MCTP1: variants seen among roughly 807,000 people sequenced by gnomAD.
MCTP1 encodes multiple C2 and transmembrane domain-containing protein 1.
Under a neutral mutation model 120.6 loss-of-function variants are expected in MCTP1, and 69 were observed. The observed-to-expected ratio is 0.57, with a 90% CI of 0.47 to 0.70. The LOEUF (loss-of-function observed/expected upper bound fraction) is 0.70. Among genes scored for constraint, MCTP1 ranks in the 30% least tolerant of loss-of-function variants. The probability of loss-of-function intolerance (pLI) is 0.00; values close to 1 mark genes in which losing one functional copy is unlikely to be tolerated. For synonymous variants in MCTP1, 529 were observed against 493.1 expected (o/e 1.07, Z -0.96); for missense variants, 1,203 against 1,248.8 (o/e 0.96, Z 0.55).
At chr5:95,206,805 G>C (rs1448484347) in intron 1 of MCTP1, among the ~76,000 whole-genome samples, 2 of 152,014 alleles carry the variant, frequency 1.3e-5, no homozygotes, top group Non-Finnish European at 2.9e-5. Context: ...CAAAGTGCTG[G>C]GATTAAAGGC....
intron 1 of MCTP1, among the ~76,000 whole-genome samples, chr5:95,041,322 A>G (rs1842326764): frequency 6.6e-6 from 1 of 151,104 alleles, no homozygotes. Context: ...AAAAAAAAAA[A>G]AAAAAAAAAG....
At chr5:94,926,933 C>T (rs1023054915) in intron 6 of MCTP1, among the ~76,000 whole-genome samples, 2 of 152,178 alleles carry the variant, frequency 1.3e-5, no homozygotes, top group African/African-American at 4.8e-5. Context: ...TACATTTTGT[C>T]CCTTCACTTT....
chr5:95,156,597 A>G (rs2152467654), intron 1 of MCTP1, among the ~76,000 whole-genome samples: 1 of 152,084 alleles, frequency 6.6e-6, no homozygotes, highest in Middle Eastern at 3.4e-3. Context: ...TGCTTTCTTC[A>G]TAGCCACCCC....
In MCTP1 at chr5:94,720,860, C is replaced by T. The variant is rs571630934; in HGVS notation, c.2611-5974G>A. ...AAGAAATGGAATATAAACAGACACT[C>T]ATTAAGTAGTGTAAAGTACTTTTCT... On this transcript the variant is annotated intron_variant, in intron 19 of 22. Coordinates refer to ENST00000515393, the MANE Select transcript of MCTP1 (RefSeq NM_024717.7). Among the ~76,000 whole-genome samples the T allele has an allele frequency of 9.9e-4, 150 of 152,282 alleles. 1 individual carries two copies. Among genetic ancestry groups the T allele is most frequent in the African/African-American group, 3.2e-3 (133 of 41,560 alleles).
intron 7 of MCTP1, among the ~76,000 whole-genome samples, chr5:94,923,174 G>A (rs1034061474): frequency 1.1e-4 from 17 of 152,112 alleles, no homozygotes; most frequent in Non-Finnish European, 4.4e-5. Flanking sequence ...TTTCAATAAT[G>A]AAAAGTTTGC....
At chr5:95,158,816 A>G (rs926138570) in intron 1 of MCTP1, among the ~76,000 whole-genome samples, 5 of 151,522 alleles carry the variant, frequency 3.3e-5, no homozygotes, top group African/African-American at 1.2e-4. Flanking sequence ...GTGCATGCCT[A>G]TGGTCCCAGC....
intron 18 of MCTP1, among the ~76,000 whole-genome samples, chr5:94,796,370 T>C (rs534107166): frequency 6.6e-5 from 10 of 151,976 alleles, no homozygotes; most frequent in African/African-American, 2.4e-4. Context: ...CAGCCAATGG[T>C]GTGATTAATG....
At chr5:95,127,403 T>C (rs1758717076) in intron 1 of MCTP1, among the ~76,000 whole-genome samples, 2 of 152,140 alleles carry the variant, frequency 1.3e-5, no homozygotes. Flanking sequence ...CCTGCAACAG[T>C]GCCAGGGCAG....
intron 1 of MCTP1, among the ~76,000 whole-genome samples, chr5:95,050,001 T>C (rs1341613502): frequency 6.6e-6 from 1 of 152,018 alleles, no homozygotes; most frequent in East Asian, 1.9e-4. Context: ...GGTGGGCAGG[T>C]AGGACCCCAG....
intron 18 of MCTP1, among the ~76,000 whole-genome samples, chr5:94,790,857 C>CA (rs1236680825): frequency 6.6e-6 from 1 of 152,142 alleles, no homozygotes; most frequent in East Asian, 1.9e-4. Context: ...TATTAACTAC[C>CA]AAAAACCTTC....
intron 1 of MCTP1, among the ~76,000 whole-genome samples, chr5:95,212,478 A>C (rs1165090542): frequency 1.3e-5 from 2 of 152,080 alleles, no homozygotes; most frequent in South Asian, 2.1e-4. Context: ...ATTCCAATCA[A>C]TAGAAAAAGA....
intron 16 of MCTP1, 135 bp downstream of exon 16, chr5:94,870,282 C>T: frequency 3.4e-6 from 2 of 585,642 alleles, no homozygotes; most frequent in South Asian, 2.4e-5. Context: ...AAGAAAGCGC[C>T]ATTTTCAATA....
intron 16 of MCTP1, among the ~76,000 whole-genome samples, 199 bp downstream of exon 16, chr5:94,870,218 T>C (rs1385120119): frequency 6.6e-6 from 1 of 152,130 alleles, no homozygotes; most frequent in Non-Finnish European, 1.5e-5. Context: ...AGTTTGGTAT[T>C]GTCCTCGTTT....
intron 20 of MCTP1, 62 bp downstream of exon 20, chr5:94,714,715 C>A (rs1404835675): frequency 4.2e-5 from 42 of 1,001,090 alleles, no homozygotes; most frequent in Non-Finnish European, 6.1e-5. Flanking sequence ...TTTCACCCTC[C>A]AAGAAACAAA....
intron 2 of MCTP1, among the ~76,000 whole-genome samples, chr5:95,010,923 G>A (rs1835803792): frequency 6.6e-6 from 1 of 152,096 alleles, no homozygotes; most frequent in African/African-American, 2.4e-5. Context: ...TAGGATAACT[G>A]ATGTCATATG....
At chr5:95,226,890 T>C (rs550995428) in intron 1 of MCTP1, among the ~76,000 whole-genome samples, 11 of 152,124 alleles carry the variant, frequency 7.2e-5, no homozygotes, top group Middle Eastern at 3.4e-3. Flanking sequence ...CTGAAGCAAT[T>C]AACAAAACAG....
intron 22 of MCTP1, among the ~76,000 whole-genome samples, chr5:94,707,845 T>G (rs1287700557): frequency 1.3e-5 from 2 of 151,910 alleles, no homozygotes; most frequent in South Asian, 4.1e-4. Flanking sequence ...CATCAATTTT[T>G]TAAAGGGCTC....
chr5:95,244,635 C>T (rs1459181207), intron 1 of MCTP1, among the ~76,000 whole-genome samples: 1 of 152,228 alleles, frequency 6.6e-6, no homozygotes, highest in Non-Finnish European at 1.5e-5. Flanking sequence ...GGAGGGACAT[C>T]TGCCATTGCT....
At chr5:94,846,799 G>A (rs1055251271) in intron 17 of MCTP1, among the ~76,000 whole-genome samples, 1 of 141,482 alleles carries the variant, frequency 7.1e-6, no homozygotes, top group African/African-American at 2.7e-5. Flanking sequence ...CTCCGTACAT[G>A]TGTGTCTCTG....
Sources: allele counts gnomAD v4.1 joint callset (sites outside exome capture counted in the v4.1 genomes callset), GRCh38; gene constraint gnomAD v4.1.1; transcripts MANE v1.5; gene names NCBI Gene and HGNC (gene_info 2026-07-23, HGNC 2026-07-21).